NSUN6: variants seen among roughly 807,000 people sequenced by gnomAD.
NSUN6 encodes NOP2/Sun RNA methyltransferase 6.
Under a neutral mutation model 58.0 loss-of-function variants are expected in NSUN6, and 64 were observed. That is an observed-to-expected ratio of 1.10 (90% CI 0.90 to 1.36). The LOEUF is 1.36. NSUN6 is among the 40% of genes most tolerant of loss of function. The pLI, the probability that NSUN6 is intolerant of heterozygous loss-of-function variation, is 0.00. For synonymous variants in NSUN6, 231 were observed against 193.9 expected, an observed-to-expected ratio of 1.19 and a Z score of -1.59; for missense variants, 701 against 550.1, an observed-to-expected ratio of 1.27 and a Z score of -2.74.
At chr10:18,586,503 C>T (rs1405524492) in intron 7 of NSUN6, among the ~76,000 whole-genome samples, 1 of 151,876 alleles carries the variant, frequency 6.6e-6, no homozygotes, top group Non-Finnish European at 1.5e-5. Context: ...TTGTTTGTTC[C>T]TCCGGGTGGG....
chr10:18,552,380 T>C (rs2054661026), intron 8 of NSUN6, among the ~76,000 whole-genome samples: 1 of 152,040 alleles, frequency 6.6e-6, no homozygotes, highest in South Asian at 2.1e-4. Flanking sequence ...AACACACTGA[T>C]TCTGTGTTCC....
At chr10:18,633,419 T>C (rs2059107450) in intron 3 of NSUN6, among the ~76,000 whole-genome samples, 1 of 151,804 alleles carries the variant, frequency 6.6e-6, no homozygotes, top group Non-Finnish European at 1.5e-5. Flanking sequence ...ATAATAATAA[T>C]AAATTAATTA....
chr10:18,614,117 A>G (rs918609707), intron 5 of NSUN6, among the ~76,000 whole-genome samples: 1 of 152,142 alleles, frequency 6.6e-6, no homozygotes, highest in Non-Finnish European at 1.5e-5. Context: ...GACAAATAAG[A>G]ACGTTAAAAA....
At position 18,623,471 on chromosome 10, in the gene NSUN6, C is replaced by T. The variant is rs76568788; in HGVS notation, c.312-7178G>A. On this transcript the variant is annotated intron_variant, in intron 3 of 10. Transcript: ENST00000377304. ...CTTTGAGCCAAACCTAGTTTCTCAG[C>T]ACGGTGTGGAGTCTCTGAAAAGGAG... is the stretch of plus-strand genomic sequence containing the variant. Among the ~76,000 whole-genome samples the T allele has an allele frequency of 8.3e-3, 1,260 of 152,216 alleles. 14 individuals are homozygous for T. The highest frequency in any genetic ancestry group is 0.033 in the South Asian group (160 of 4,822).
In NSUN6 at chr10:18,563,736, TCCATTCCATTCTCCATA is replaced by T. The variant is rs1183130186; in HGVS notation, c.923-11782_923-11766del. On this transcript the variant is annotated intron_variant, in intron 8 of 10. Coordinates refer to ENST00000377304, the MANE Select transcript of NSUN6 (RefSeq NM_182543.5). ...CATTCCACTCCGTTCCATTCTCCAT[TCCATTCCATTCTCCATA>T]CCATTCCATTCTCCATTCCACTCTA... Among the ~76,000 whole-genome samples the T allele has an allele frequency of 1.1e-3, 164 of 150,378 alleles. 1 individual carries two copies. The highest frequency in any genetic ancestry group is 3.9e-3 in the African/African-American group (159 of 40,482).
At chr10:18,592,158 T>C (rs950142460) in intron 7 of NSUN6, among the ~76,000 whole-genome samples, 17 of 152,188 alleles carry the variant, frequency 1.1e-4, no homozygotes, top group African/African-American at 4.1e-4. Flanking sequence ...AAATGCAACT[T>C]ACAAGGGACA....
At chr10:18,617,002 A>G (rs1006679057) in intron 3 of NSUN6, among the ~76,000 whole-genome samples, 3 of 151,114 alleles carry the variant, frequency 2.0e-5, no homozygotes, top group African/African-American at 7.3e-5. Flanking sequence ...CTTTATACCC[A>G]CTCTTTCCTG....
At chr10:18,555,389 C>T (rs953789365) in intron 8 of NSUN6, among the ~76,000 whole-genome samples, 7 of 114,924 alleles carry the variant, frequency 6.1e-5, no homozygotes, top group South Asian at 2.9e-4. Context: ...GGAATGGAAT[C>T]GAATGGAGCA....
At chr10:18,591,818 T>A (rs1432635785) in intron 7 of NSUN6, among the ~76,000 whole-genome samples, 1 of 152,130 alleles carries the variant, frequency 6.6e-6, no homozygotes, top group Non-Finnish European at 1.5e-5. Flanking sequence ...GAGACAAGGA[T>A]GCCCCCTCTC....
intron 8 of NSUN6, among the ~76,000 whole-genome samples, chr10:18,573,162 C>T (rs1203421200): frequency 2.0e-5 from 3 of 151,730 alleles, no homozygotes; most frequent in Non-Finnish European, 4.4e-5. Context: ...TCATTCCATT[C>T]CATTCCACTG....
At chr10:18,636,866 G>A (rs1341067152) in intron 3 of NSUN6, among the ~76,000 whole-genome samples, 4 of 150,760 alleles carry the variant, frequency 2.7e-5, no homozygotes, top group Admixed American at 2.6e-4. Context: ...TCCAGCCTGG[G>A]CGACAGACCA....
intron 3 of NSUN6, among the ~76,000 whole-genome samples, chr10:18,629,238 A>G (rs937786761): frequency 1.4e-4 from 22 of 152,204 alleles, no homozygotes; most frequent in Non-Finnish European, 2.5e-4. Context: ...CTGCCCTAAA[A>G]GAGCTCCTGA....
chr10:18,602,000 A>G (rs2057861257), intron 6 of NSUN6, among the ~76,000 whole-genome samples: 1 of 151,778 alleles, frequency 6.6e-6, no homozygotes, highest in South Asian at 2.1e-4. Flanking sequence ...AAATAAATCC[A>G]TCAAGATGCT....
chr10:18,616,102 G>C, intron 4 of NSUN6, 82 bp downstream of exon 4: 1 of 844,292 alleles, frequency 1.2e-6, no homozygotes, highest in Non-Finnish European at 1.9e-6. Context: ...ATATATCTTA[G>C]TGACAAATCA....
intron 8 of NSUN6, among the ~76,000 whole-genome samples, chr10:18,556,126 A>G (rs2054999200): frequency 6.7e-6 from 1 of 149,780 alleles, no homozygotes; most frequent in Non-Finnish European, 1.5e-5. Flanking sequence ...ATTGAATGGG[A>G]TGGACATGAA....
intron 8 of NSUN6, among the ~76,000 whole-genome samples, chr10:18,570,115 CCATTCTT>C (rs2056252384): frequency 6.6e-6 from 1 of 151,146 alleles, no homozygotes; most frequent in Non-Finnish European, 1.5e-5. Context: ...ATTCCATTCT[CCATTCTT>C]CATTCCATTC....
At chr10:18,617,249 G>A (rs1319307115) in intron 3 of NSUN6, among the ~76,000 whole-genome samples, 1 of 146,056 alleles carries the variant, frequency 6.8e-6, no homozygotes, top group African/African-American at 2.5e-5. Context: ...GTGCAGTGAC[G>A]CAATCTTGGC....
chr10:18,565,302 A>G (rs1209523153), intron 8 of NSUN6, among the ~76,000 whole-genome samples: 1 of 146,368 alleles, frequency 6.8e-6, no homozygotes, highest in Non-Finnish European at 1.5e-5. Context: ...TCCATTCTGC[A>G]TTCTCGATTC....
At chr10:18,558,305 G>A (rs1564714096) in intron 8 of NSUN6, among the ~76,000 whole-genome samples, 1 of 149,322 alleles carries the variant, frequency 6.7e-6, no homozygotes, top group Non-Finnish European at 1.5e-5. Flanking sequence ...AAGGGAGAAT[G>A]GAATGGAATG....
Sources: gnomAD v4.1 joint callset for allele counts (sites outside exome capture counted in the v4.1 genomes callset) on GRCh38, gnomAD v4.1.1 for gene constraint, MANE v1.5 for transcripts, NCBI Gene and HGNC (gene_info 2026-07-23, HGNC 2026-07-21) for gene names.